Variants in DOCK1 observed in about 807,000 individuals in gnomAD.
The protein encoded by DOCK1 is dedicator of cytokinesis 1, also known as dedicator of cytokinesis protein 1.
Under a neutral mutation model 262.7 loss-of-function variants are expected in DOCK1, and 138 were observed. That is an observed-to-expected ratio of 0.53 (90% CI 0.46 to 0.61). The LOEUF (loss-of-function observed/expected upper bound fraction) is 0.61, where lower values mean the gene tolerates loss of function less well. Among genes scored for constraint, DOCK1 ranks in the 20% least tolerant of loss-of-function variants. DOCK1 has a pLI of 0.00. For synonymous variants in DOCK1, 866 were observed against 867.4 expected, an observed-to-expected ratio of 1.00 and a Z score of 0.03; for missense variants, 1,908 against 2,370.7, an observed-to-expected ratio of 0.80 and a Z score of 4.05.
chr10:127,393,310 CG>C (rs2066608715), intron 38 of DOCK1, among the ~76,000 whole-genome samples: 2 of 152,150 alleles, frequency 1.3e-5, no homozygotes, highest in African/African-American at 4.8e-5. Context: ...AACCATGACC[CG>C]GCTACAGCTC....
chr10:127,362,582 T>C (rs1305207894), intron 33 of DOCK1, among the ~76,000 whole-genome samples: 1 of 152,332 alleles, frequency 6.6e-6, no homozygotes, highest in East Asian at 1.9e-4. Flanking sequence ...TGCAGAATTG[T>C]GGTATTTTGA....
chr10:127,000,900 C>T (rs1591597087), intron 10 of DOCK1: 1 of 157,994 alleles, frequency 6.3e-6, no homozygotes, highest in East Asian at 1.9e-4. Flanking sequence ...CATGTTGGTG[C>T]TCTTCCTCCA....
chr10:127,266,480 A>AACACACACACACACACAC (rs68190118), intron 29 of DOCK1, among the ~76,000 whole-genome samples: 10 of 149,172 alleles, frequency 6.7e-5, no homozygotes, highest in African/African-American at 2.2e-4. Flanking sequence ...TAAGTACCAA[A>AACACACACACACACACAC]ACACACACAC....
chr10:127,156,498 A>ATC (rs2053060720), intron 27 of DOCK1, among the ~76,000 whole-genome samples: 1 of 150,086 alleles, frequency 6.7e-6, no homozygotes, highest in Non-Finnish European at 1.5e-5. Flanking sequence ...GCTTTTCTGA[A>ATC]TCTTTTCTTC....
At chr10:127,048,768 G>A (rs1248395163) in intron 21 of DOCK1, among the ~76,000 whole-genome samples, 1 of 152,170 alleles carries the variant, frequency 6.6e-6, no homozygotes, top group Non-Finnish European at 1.5e-5. Flanking sequence ...GGGCATCACT[G>A]TTTCAGAAGC....
rs373167144 is a variant in DOCK1, at chr10:127,175,630, C to T, written c.2847+47866C>T. On this transcript the variant is annotated intron_variant, in intron 27 of 51. Transcript: ENST00000623213. The surrounding 1 kb of genome is among the most constrained non-coding windows in gnomAD (Gnocchi z 6.3). ...CTGGCACTGAGGGCAGGTGCGTAAA[C>T]GGTGGCAACCTCCGTTTTAAACACC... is the stretch of plus-strand genomic sequence containing the variant. 3.7e-5 allele frequency: 60 copies of T among 1,613,080 alleles called. No individual in the cohort carries two copies. Among genetic ancestry groups the T allele is most frequent in the African/African-American group, 2.1e-4 (16 of 74,926 alleles).
chr10:127,028,111 C>T (rs2043001323), intron 16 of DOCK1, among the ~76,000 whole-genome samples: 1 of 152,090 alleles, frequency 6.6e-6, no homozygotes. Context: ...AGCATCATTG[C>T]ATTCCTGTCC....
At chr10:127,209,987 G>A (rs924581166) in intron 27 of DOCK1, among the ~76,000 whole-genome samples, 2 of 152,162 alleles carry the variant, frequency 1.3e-5, no homozygotes, top group Admixed American at 1.3e-4. Flanking sequence ...GGAGACTTAG[G>A]TTAAGGAATT....
At chr10:127,270,464 A>G (rs933530643) in intron 29 of DOCK1, among the ~76,000 whole-genome samples, 1 of 152,184 alleles carries the variant, frequency 6.6e-6, no homozygotes, top group Admixed American at 6.5e-5. Context: ...GCTCCACTGA[A>G]TGAATCACAG....
At chr10:127,002,971 T>C (rs905583338) in intron 10 of DOCK1, among the ~76,000 whole-genome samples, 3 of 152,268 alleles carry the variant, frequency 2.0e-5, no homozygotes, top group African/African-American at 7.2e-5. Context: ...TGCTCTGCTC[T>C]GACTGGCACA....
intron 22 of DOCK1, among the ~76,000 whole-genome samples, chr10:127,061,194 C>T (rs1323379071): frequency 6.6e-6 from 1 of 152,178 alleles, no homozygotes; most frequent in Non-Finnish European, 1.5e-5. Flanking sequence ...TGCCATTGCA[C>T]TCCAGCCTGG....
chr10:127,115,862 G>A (rs2049147875), intron 25 of DOCK1, among the ~76,000 whole-genome samples: 1 of 152,120 alleles, frequency 6.6e-6, no homozygotes, highest in Non-Finnish European at 1.5e-5. Context: ...ATGAACACTG[G>A]GTCACTTATT....
intron 27 of DOCK1, among the ~76,000 whole-genome samples, chr10:127,197,776 C>T (rs1564896058): frequency 6.6e-6 from 1 of 152,300 alleles, no homozygotes; most frequent in East Asian, 1.9e-4. Context: ...CATCCTTGTT[C>T]GCTGAGCTGA....
intron 35 of DOCK1, among the ~76,000 whole-genome samples, chr10:127,376,893 A>T (rs1024991799): frequency 6.6e-6 from 1 of 152,242 alleles, no homozygotes; most frequent in Non-Finnish European, 1.5e-5. Context: ...ATCTAGGGTC[A>T]GGAAACAAAC....
chr10:127,065,433 C>T (rs972208358), intron 23 of DOCK1, among the ~76,000 whole-genome samples: 2 of 152,126 alleles, frequency 1.3e-5, no homozygotes, highest in Admixed American at 6.5e-5. Context: ...ATTTTGCCTC[C>T]GCACCTGTCC....
intron 4 of DOCK1, among the ~76,000 whole-genome samples, chr10:126,982,421 G>A (rs2039053173): frequency 6.6e-6 from 1 of 152,136 alleles, no homozygotes; most frequent in South Asian, 2.1e-4. Flanking sequence ...TAATTGTGAT[G>A]TATGTTTCCT....
chr10:127,427,249 G>A (rs531685900), intron 47 of DOCK1, among the ~76,000 whole-genome samples: 16 of 152,312 alleles, frequency 1.1e-4, no homozygotes, highest in Non-Finnish European at 1.9e-4. Context: ...GGGAAGTCGC[G>A]CTGCTTCTCC....
chr10:127,196,666 G>A (rs1464786303), intron 27 of DOCK1, among the ~76,000 whole-genome samples: 1 of 146,116 alleles, frequency 6.8e-6, no homozygotes, highest in African/African-American at 2.5e-5. Flanking sequence ...TGGGGTGGGG[G>A]ATAGGGAGGG....
At chr10:127,157,152 G>T (rs1429423615) in intron 27 of DOCK1, among the ~76,000 whole-genome samples, 1 of 152,238 alleles carries the variant, frequency 6.6e-6, no homozygotes, top group African/African-American at 2.4e-5. Flanking sequence ...TTGTGAAGCA[G>T]TATTTTGGTC....
Sources: allele counts gnomAD v4.1 joint callset (sites outside exome capture counted in the v4.1 genomes callset), GRCh38; gene constraint gnomAD v4.1.1; non-coding constraint Gnocchi (gnomAD v3.1); transcripts MANE v1.5; gene names NCBI Gene and HGNC (gene_info 2026-07-23, HGNC 2026-07-21).